Variants in NELL2 observed in about 807,000 individuals in gnomAD.
NELL2 encodes neural EGFL like 2.
Under a neutral mutation model 109.6 loss-of-function variants are expected in NELL2, and 41 were observed. The observed-to-expected ratio is 0.37, with a 90% CI of 0.29 to 0.49. The LOEUF is 0.49. Ranked by LOEUF, NELL2 falls within the 20% of genes least tolerant of loss-of-function variation. The pLI is 0.98. For synonymous variants in NELL2, 355 were observed against 344.7 expected (o/e 1.03, Z -0.33); for missense variants, 900 against 1,008.3 (o/e 0.89, Z 1.45).
chr12:44,679,760 T>C (rs1948435330), intron 12 of NELL2, among the ~76,000 whole-genome samples: 1 of 152,102 alleles, frequency 6.6e-6, no homozygotes, highest in African/African-American at 2.4e-5. Context: ...TTCCAGAACA[T>C]GTCTTGCCCT....
intron 13 of NELL2, among the ~76,000 whole-genome samples, chr12:44,616,170 T>TAG (rs1215834594): frequency 6.6e-6 from 1 of 152,160 alleles, no homozygotes; most frequent in African/African-American, 2.4e-5. Context: ...GATTCTGCTC[T>TAG]TCTGGTAACA....
At chr12:44,852,689 A>G (rs1467360112) in intron 2 of NELL2, among the ~76,000 whole-genome samples, 1 of 152,196 alleles carries the variant, frequency 6.6e-6, no homozygotes, top group Non-Finnish European at 1.5e-5. Flanking sequence ...GTAATCATCC[A>G]TTAAATAGGT....
intron 3 of NELL2, among the ~76,000 whole-genome samples, chr12:44,795,537 C>T (rs1442023820): frequency 1.3e-5 from 2 of 152,002 alleles, no homozygotes; most frequent in East Asian, 3.9e-4. Flanking sequence ...GTCAATAATC[C>T]CAATTTGGCA....
At chr12:44,791,960 A>G (rs942328398) in intron 3 of NELL2, among the ~76,000 whole-genome samples, 1 of 35,620 alleles carries the variant, frequency 2.8e-5, no homozygotes, top group Non-Finnish European at 7.4e-5. Flanking sequence ...ATTACAGACA[A>G]AAAAAAAAAG....
chr12:44,520,343 A>T, intron 18 of NELL2, 114 bp from the exon 19 acceptor site: 2 of 761,596 alleles, frequency 2.6e-6, no homozygotes, highest in Non-Finnish European at 4.2e-6. Flanking sequence ...TTTGATTGAT[A>T]TTTAAACTTA....
At chr12:44,854,294 T>C (rs558773060) in intron 2 of NELL2, among the ~76,000 whole-genome samples, 3 of 152,288 alleles carry the variant, frequency 2.0e-5, no homozygotes, top group African/African-American at 7.2e-5. Context: ...AGATCACTAC[T>C]ATTAAGAATA....
At chr12:44,811,337 T>TAAAAAAAAAAAAA (rs10683929) in intron 3 of NELL2, among the ~76,000 whole-genome samples, 11 of 103,174 alleles carry the variant, frequency 1.1e-4, no homozygotes, top group East Asian at 2.8e-4. Context: ...GAACTAAAAG[T>TAAAAAAAAAAAAA]AAAAAAAAAA....
chr12:44,774,788 G>T lies in NELL2; in HGVS notation c.953C>A (p.Ala318Asp). ...CPNPDCPLKS[A>D]LAYVDGKCCK... ...GCATTTGCCATCCACATACGCAAGA[G>T]CCGACTTAAGTGGGCAGTCAGGATT... Residue 318 changes from alanine to aspartate, a missense_variant, in exon 9 of 20, where the codon GCT becomes GAT. Around this residue, in one of 4 missense-constraint regions of NELL2, gnomAD observed 292 missense variants for 265.3 expected, o/e 1.10. Transcript: ENST00000429094. 6.2e-7 allele frequency: 1 copy of T among 1,614,150 alleles called. No individual in the cohort carries two copies. Among genetic ancestry groups the T allele is most frequent in the Non-Finnish European group, 8.5e-7 (1 of 1,180,016 alleles).
At chr12:44,879,095 A>G (rs1387842218), upstream of NELL2, among the ~76,000 whole-genome samples, 1 of 152,156 alleles carries the variant, frequency 6.6e-6, no homozygotes, top group Admixed American at 6.5e-5. Context: ...TATGAGAAGA[A>G]CTCGACTTCC....
chr12:44,552,494 A>T (rs1405205485), intron 15 of NELL2, among the ~76,000 whole-genome samples: 1 of 152,160 alleles, frequency 6.6e-6, no homozygotes, highest in Non-Finnish European at 1.5e-5. Flanking sequence ...ATTGAATTTC[A>T]CAGAAAACTT....
At chr12:44,635,781 C>T (rs1946617084) in intron 13 of NELL2, among the ~76,000 whole-genome samples, 1 of 152,022 alleles carries the variant, frequency 6.6e-6, no homozygotes, top group Non-Finnish European at 1.5e-5. Context: ...TTTTTTGGTT[C>T]CATATGAAAT....
intron 9 of NELL2, among the ~76,000 whole-genome samples, chr12:44,740,552 C>T (rs1296629039): frequency 6.6e-6 from 1 of 151,992 alleles, no homozygotes; most frequent in Non-Finnish European, 1.5e-5. Context: ...AACTGTACGG[C>T]ATGCTTTTGG....
chr12:44,596,815 G>A (rs1219400539), intron 15 of NELL2, among the ~76,000 whole-genome samples: 1 of 152,144 alleles, frequency 6.6e-6, no homozygotes, highest in African/African-American at 2.4e-5. Context: ...TCCACATAGA[G>A]AAGTCATTTG....
intron 15 of NELL2, among the ~76,000 whole-genome samples, chr12:44,592,412 A>G (rs1255200060): frequency 6.6e-6 from 1 of 152,204 alleles, no homozygotes; most frequent in Non-Finnish European, 1.5e-5. Context: ...TATCTTGATT[A>G]CTTCTTTGGG....
chr12:44,686,696 T>C (rs897765921), intron 12 of NELL2, among the ~76,000 whole-genome samples: 17 of 151,964 alleles, frequency 1.1e-4, no homozygotes, highest in African/African-American at 4.1e-4. Flanking sequence ...AGTCTGCCCC[T>C]GCTGGGGGGT....
At chr12:44,673,177 G>C (rs1948201187) in intron 12 of NELL2, among the ~76,000 whole-genome samples, 1 of 152,096 alleles carries the variant, frequency 6.6e-6, no homozygotes, top group Admixed American at 6.5e-5. Flanking sequence ...TCCCCAAAGA[G>C]TTGCGTTTAT....
chr12:44,836,727 G>T (rs1028038752), intron 2 of NELL2, among the ~76,000 whole-genome samples: 2 of 152,192 alleles, frequency 1.3e-5, no homozygotes, highest in African/African-American at 4.8e-5. Flanking sequence ...GGAGAGATTA[G>T]CAATATCTGC....
chr12:44,647,226 G>A (rs1376257202), intron 13 of NELL2, among the ~76,000 whole-genome samples: 1 of 152,168 alleles, frequency 6.6e-6, no homozygotes, highest in Non-Finnish European at 1.5e-5. Context: ...ATTTGAGGAT[G>A]AGACTGAGTT....
chr12:44,520,159 T>G lies in NELL2; in HGVS notation c.2246A>C (p.Asn749Thr). The change falls in exon 19 of 20, where the codon AAT becomes ACT. Residue 749 changes from asparagine (N) to threonine (T), a missense_variant. Physicochemically the swap from Asn to Thr is moderately conservative, Grantham distance 65 (BLOSUM62 0). Coordinates refer to ENST00000429094, the MANE Select transcript of NELL2 (RefSeq NM_001145108.2). Reference protein sequence around the residue: ...VECEFSILPENECCPRCVTDP... With the variant: ...VECEFSILPETECCPRCVTDP... ...TGTGACACAGCGCGGGCAGCACTCA[T>G]TCTCTGGGAGAATGCTGAATTCACA... The G allele has an allele frequency of 6.2e-7, 1 of 1,613,920 alleles. No homozygotes were observed. The highest frequency in any genetic ancestry group is 2.2e-5 in the East Asian group (1 of 44,870).
Sources: allele counts gnomAD v4.1 joint callset (sites outside exome capture counted in the v4.1 genomes callset), GRCh38; gene constraint gnomAD v4.1.1; regional missense constraint gnomAD v4.1.1; transcripts MANE v1.5; gene names NCBI Gene and HGNC (gene_info 2026-07-23, HGNC 2026-07-21).